TCEA1: variants seen among roughly 807,000 people sequenced by gnomAD.
TCEA1 encodes the protein transcription elongation factor A protein 1.
Under a neutral mutation model 43.8 loss-of-function variants are expected in TCEA1, and 21 were observed. The observed-to-expected ratio is 0.48, with a 90% CI of 0.34 to 0.69. TCEA1 has a LOEUF of 0.69. Among genes scored for constraint, TCEA1 ranks in the 30% least tolerant of loss-of-function variants. TCEA1 has a pLI of 0.01. For missense variants in TCEA1, 250 were observed against 365.1 expected (o/e 0.68, Z 2.57); for synonymous variants, 104 against 117.5 (o/e 0.88, Z 0.75).
At chr8:53,996,238 C>G (rs1488172011) in intron 3 of TCEA1, among the ~76,000 whole-genome samples, 1 of 152,252 alleles carries the variant, frequency 6.6e-6, no homozygotes, top group African/African-American at 2.4e-5. Context: ...AGCATTCCTA[C>G]TATCTGATAC....
At chr8:53,988,010 G>A in intron 5 of TCEA1, 104 bp downstream of exon 5, 1 of 1,376,074 alleles carries the variant, frequency 7.3e-7, no homozygotes, top group Non-Finnish European at 9.7e-7. Context: ...CAGTGGGTGG[G>A]CTATCCACAG....
intron 9 of TCEA1, chr8:53,970,187 G>C (rs1297278850): frequency 3.4e-6 from 2 of 588,328 alleles, no homozygotes; most frequent in Non-Finnish European, 6.1e-6. Context: ...AACAAATAAA[G>C]GTGGTAAAGT....
chr8:53,983,095 T>C (rs567721457), intron 7 of TCEA1, among the ~76,000 whole-genome samples: 1 of 152,316 alleles, frequency 6.6e-6, no homozygotes, highest in South Asian at 2.1e-4. Flanking sequence ...ATCCAGGCAA[T>C]TCCCTTTTCC....
intron 2 of TCEA1, among the ~76,000 whole-genome samples, chr8:54,004,634 G>C (rs73590828): frequency 0.038 from 5,800 of 152,208 alleles, 368 homozygotes; most frequent in African/African-American, 0.13. Context: ...AGACCAGTTG[G>C]GGGGAACGGA....
chr8:53,969,258 C>A (rs1803083452), intron 9 of TCEA1, among the ~76,000 whole-genome samples: 1 of 152,104 alleles, frequency 6.6e-6, no homozygotes, highest in Non-Finnish European at 1.5e-5. Context: ...CCACTGCACT[C>A]CAGCCTGGGC....
At chr8:53,970,583 G>A in intron 8 of TCEA1, 120 bp from the exon 9 acceptor site, 1 of 577,338 alleles carries the variant, frequency 1.7e-6, no homozygotes, top group South Asian at 2.8e-5. Context: ...AAAATGAATA[G>A]AAGTCTGAAA....
At chr8:54,008,105 C>A (rs1804533933) in intron 2 of TCEA1, among the ~76,000 whole-genome samples, 1 of 147,830 alleles carries the variant, frequency 6.8e-6, no homozygotes, top group African/African-American at 2.5e-5. Context: ...TTGCTTGAAT[C>A]CAGAAGGCTG....
chr8:54,002,458 G>A (rs1273138345), intron 2 of TCEA1, among the ~76,000 whole-genome samples: 2 of 144,452 alleles, frequency 1.4e-5, no homozygotes, highest in Non-Finnish European at 3.0e-5. Context: ...AACAGAACAA[G>A]ACTCCGTCTC....
intron 7 of TCEA1, among the ~76,000 whole-genome samples, chr8:53,982,562 C>G (rs1803545405): frequency 7.1e-6 from 1 of 139,888 alleles, no homozygotes; most frequent in South Asian, 2.3e-4. Context: ...GAGCAGAGAT[C>G]ACACCACTGC....
At chr8:53,996,610 G>T (rs1251291854) in intron 3 of TCEA1, among the ~76,000 whole-genome samples, 1 of 151,990 alleles carries the variant, frequency 6.6e-6, no homozygotes, top group African/African-American at 2.4e-5. Flanking sequence ...CCACCATAAA[G>T]TTAAAAACAA....
chr8:54,021,065 T>C (rs1261905710), intron 1 of TCEA1, among the ~76,000 whole-genome samples: 2 of 152,150 alleles, frequency 1.3e-5, no homozygotes, highest in East Asian at 3.8e-4. Context: ...GGCGCACGTC[T>C]GTAATCCCAG....
At chr8:54,007,336 T>C (rs1804502437) in intron 2 of TCEA1, among the ~76,000 whole-genome samples, 1 of 151,910 alleles carries the variant, frequency 6.6e-6, no homozygotes, top group Non-Finnish European at 1.5e-5. Context: ...CTCCCCAATT[T>C]GTGTGTGTGT....
intron 7 of TCEA1, among the ~76,000 whole-genome samples, chr8:53,979,719 G>A (rs1448898251): frequency 1.3e-5 from 2 of 152,206 alleles, no homozygotes; most frequent in African/African-American, 2.4e-5. Context: ...CACTGCTCAG[G>A]AGTCATGTGG....
intron 4 of TCEA1, among the ~76,000 whole-genome samples, chr8:53,991,231 A>G (rs1220143291): frequency 2.0e-5 from 3 of 151,742 alleles, no homozygotes; most frequent in Admixed American, 2.0e-4. Flanking sequence ...CATCTTTACT[A>G]AAAGTACAAA....
At chr8:53,987,948 T>C (rs372070729) in intron 5 of TCEA1, among the ~76,000 whole-genome samples, 166 bp downstream of exon 5, 43 of 152,202 alleles carry the variant, frequency 2.8e-4, no homozygotes, top group African/African-American at 9.9e-4. Flanking sequence ...TTCCTCCTCC[T>C]CTCCCCCTTA....
intron 1 of TCEA1, among the ~76,000 whole-genome samples, chr8:54,019,000 A>G (rs1435483977): frequency 6.6e-6 from 1 of 152,214 alleles, no homozygotes. Flanking sequence ...TATTCTAAAT[A>G]CTTAGCATCC....
chr8:54,018,626 AAGAAAACAGCTTAAGC>A (rs1804920418), intron 1 of TCEA1, among the ~76,000 whole-genome samples: 2 of 152,356 alleles, frequency 1.3e-5, no homozygotes, highest in African/African-American at 4.8e-5. Context: ...TCAAAGTGAC[AAGAAAACAGCTTAAGC>A]AGAAAACAGC....
At chr8:53,980,605 T>C (rs1226478450) in intron 7 of TCEA1, among the ~76,000 whole-genome samples, 3 of 152,196 alleles carry the variant, frequency 2.0e-5, no homozygotes, top group Non-Finnish European at 4.4e-5. Flanking sequence ...TTTGACCACA[T>C]AGGACAGTAA....
At chr8:54,015,767 T>C (rs1001345601) in intron 1 of TCEA1, among the ~76,000 whole-genome samples, 1 of 152,054 alleles carries the variant, frequency 6.6e-6, no homozygotes, top group African/African-American at 2.4e-5. Flanking sequence ...AACTCAATAA[T>C]AAAAAGACAA....
Sources: gnomAD v4.1 joint callset for allele counts (sites outside exome capture counted in the v4.1 genomes callset) on GRCh38, gnomAD v4.1.1 for gene constraint, MANE v1.5 for transcripts, NCBI Gene and HGNC (gene_info 2026-07-23, HGNC 2026-07-21) for gene names.